Variants in SMIM35 observed in about 807,000 individuals in gnomAD.
The protein encoded by SMIM35 is TMPRSS4 antisense RNA 1 (non-protein coding).
At chr11:118,046,799 C>G (rs1034277158) in intron 1 of SMIM35, among the ~76,000 whole-genome samples, 4 of 152,200 alleles carry the variant, frequency 2.6e-5, no homozygotes, top group African/African-American at 9.7e-5. Flanking sequence ...GACAGAGGAA[C>G]AGGTCCATCA....
At chr11:118,060,288 T>C (rs1020158132) in intron 1 of SMIM35, among the ~76,000 whole-genome samples, 1 of 152,166 alleles carries the variant, frequency 6.6e-6, no homozygotes, top group African/African-American at 2.4e-5. Context: ...GGCTGTGGTC[T>C]TTCTCCCCTG....
intron 1 of SMIM35, among the ~76,000 whole-genome samples, chr11:118,018,669 C>T (rs2058202076): frequency 6.6e-6 from 1 of 152,078 alleles, no homozygotes; most frequent in African/African-American, 2.4e-5. Flanking sequence ...TAGGAAAGCA[C>T]CAGCAGGGAA....
chr11:118,044,333 A>AG (rs55808037), intron 1 of SMIM35, among the ~76,000 whole-genome samples: 1 of 134,418 alleles, frequency 7.4e-6, no homozygotes, highest in South Asian at 2.6e-4. Context: ...AAAAAAAAAA[A>AG]TGCAGCCGTG....
At chr11:118,078,040 AAAAAGAAAGAAG>A (rs1302871247) in intron 1 of SMIM35, among the ~76,000 whole-genome samples, 1 of 89,340 alleles carries the variant, frequency 1.1e-5, no homozygotes, top group Non-Finnish European at 2.3e-5. Context: ...AAAAAAAAAA[AAAAAGAAAGAAG>A]GAAAAGAAAA....
At chr11:118,077,146 A>T (rs1234842813) in intron 1 of SMIM35, 6 of 773,414 alleles carry the variant, frequency 7.8e-6, no homozygotes, top group Non-Finnish European at 1.2e-5. Flanking sequence ...TGAGGGACCA[A>T]GGCCTGCCCT....
At chr11:118,053,673 G>A (rs972364531) in intron 1 of SMIM35, among the ~76,000 whole-genome samples, 2 of 152,160 alleles carry the variant, frequency 1.3e-5, no homozygotes, top group South Asian at 2.1e-4. Context: ...ATTCCCTAAA[G>A]CAATGTGTTT....
intron 1 of SMIM35, among the ~76,000 whole-genome samples, chr11:118,042,969 T>C (rs1196674548): frequency 6.6e-6 from 1 of 152,136 alleles, no homozygotes; most frequent in Non-Finnish European, 1.5e-5. Flanking sequence ...ATAAAAACAC[T>C]CAACAAACTA....
intron 1 of SMIM35, among the ~76,000 whole-genome samples, chr11:118,067,763 T>C (rs1355661242): frequency 1.3e-5 from 2 of 148,632 alleles, no homozygotes; most frequent in African/African-American, 2.5e-5. Flanking sequence ...ACCCGGGAGA[T>C]GGAGGTTGCA....
At chr11:118,046,907 C>T (rs657671) in intron 1 of SMIM35, among the ~76,000 whole-genome samples, 108,775 of 152,134 alleles carry the variant, frequency 0.71, 39,244 homozygotes, top group Non-Finnish European at 0.76. Flanking sequence ...TCATACTGAA[C>T]ATACTTAAGT....
intron 1 of SMIM35, among the ~76,000 whole-genome samples, chr11:118,033,424 G>A (rs936080629): frequency 1.3e-5 from 2 of 152,150 alleles, no homozygotes; most frequent in African/African-American, 4.8e-5. Context: ...TTTCAACACA[G>A]TTTAAATAGA....
chr11:118,036,022 G>A (rs1467810283), intron 1 of SMIM35, among the ~76,000 whole-genome samples: 1 of 152,130 alleles, frequency 6.6e-6, no homozygotes, highest in Non-Finnish European at 1.5e-5. Flanking sequence ...CAAGTTGCTG[G>A]GATTACAGGC....
At chr11:118,050,447 C>T (rs968982267) in intron 1 of SMIM35, among the ~76,000 whole-genome samples, 15 of 152,206 alleles carry the variant, frequency 9.9e-5, no homozygotes, top group Non-Finnish European at 1.8e-4. Context: ...GGCACTAGCA[C>T]CCAGCCACTG....
At chr11:118,083,028 C>T (rs182045692) in intron 1 of SMIM35, among the ~76,000 whole-genome samples, 1 of 152,316 alleles carries the variant, frequency 6.6e-6, no homozygotes, top group East Asian at 1.9e-4. Context: ...CCCCCACCCC[C>T]GCCACTTCTG....
intron 1 of SMIM35, among the ~76,000 whole-genome samples, chr11:118,062,317 G>T (rs529534636): frequency 3.3e-5 from 5 of 152,174 alleles, no homozygotes; most frequent in African/African-American, 1.2e-4. Context: ...GCAACAGAGC[G>T]AGACTCCATC....
At chr11:118,045,370 G>T (rs1591295630) in intron 1 of SMIM35, among the ~76,000 whole-genome samples, 1 of 102,276 alleles carries the variant, frequency 9.8e-6, no homozygotes, top group Non-Finnish European at 2.3e-5. Flanking sequence ...ACTAGAGAGA[G>T]AGAAAGGCTG....
intron 1 of SMIM35, among the ~76,000 whole-genome samples, chr11:118,082,639 G>A (rs1945233823): frequency 6.6e-6 from 1 of 152,080 alleles, no homozygotes; most frequent in Non-Finnish European, 1.5e-5. Flanking sequence ...CAAGGGCAAA[G>A]GGAAAACCAG....
intron 1 of SMIM35, among the ~76,000 whole-genome samples, chr11:118,082,566 A>AAAAG (rs56317794): frequency 0.78 from 117,747 of 150,194 alleles, 46,774 homozygotes; most frequent in East Asian, 0.95. Context: ...GTCTCAAAAA[A>AAAAG]AAAGAAAGAA....
At chr11:118,032,901 C>T (rs2058330523) in intron 1 of SMIM35, among the ~76,000 whole-genome samples, 1 of 152,164 alleles carries the variant, frequency 6.6e-6, no homozygotes, top group Non-Finnish European at 1.5e-5. Flanking sequence ...GAATGAGACT[C>T]TGTCTCAAAA....
At chr11:118,084,403 A>G (rs1446179632) in intron 1 of SMIM35, among the ~76,000 whole-genome samples, 1 of 152,246 alleles carries the variant, frequency 6.6e-6, no homozygotes, top group East Asian at 1.9e-4. Flanking sequence ...ATGCAACTGC[A>G]AAGTCAGAGA....
Sources: gnomAD v4.1 joint callset for allele counts (sites outside exome capture counted in the v4.1 genomes callset) on GRCh38, gnomAD v4.1.1 for gene constraint, MANE v1.5 for transcripts, NCBI Gene and HGNC (gene_info 2026-07-23, HGNC 2026-07-21) for gene names.